The following GRIP1 variants were observed in gnomAD, a reference collection of about 807,000 sequenced individuals.
GRIP1 encodes glutamate receptor-interacting protein 1.
A neutral mutation model predicts 129.9 loss-of-function variants in GRIP1; 45 were observed. The ratio of observed to expected loss-of-function variants is 0.35; its 90% CI spans 0.27 to 0.44. The LOEUF (loss-of-function observed/expected upper bound fraction) is 0.44. GRIP1 is among the 20% of genes least tolerant of loss of function. The pLI, the probability that GRIP1 is intolerant of heterozygous loss-of-function variation, is 1.00. For synonymous variants in GRIP1, 530 were observed against 520.8 expected (o/e 1.02, Z -0.24); for missense variants, 1,196 against 1,396.8 (o/e 0.86, Z 2.29).
At chr12:66,641,803 T>G (rs1565934560) in intron 1 of GRIP1, among the ~76,000 whole-genome samples, 1 of 152,206 alleles carries the variant, frequency 6.6e-6, no homozygotes, top group Non-Finnish European at 1.5e-5. Flanking sequence ...AGGATCGCAG[T>G]GCTACCATCA....
chr12:66,786,696 C>G (rs12230940), intron 1 of GRIP1, among the ~76,000 whole-genome samples: 1 of 152,024 alleles, frequency 6.6e-6, no homozygotes, highest in African/African-American at 2.4e-5. Context: ...TCTATTGGCT[C>G]TCCAGACATA....
chr12:67,033,092 T>C (rs983089395), intron 1 of GRIP1, among the ~76,000 whole-genome samples: 4 of 151,878 alleles, frequency 2.6e-5, no homozygotes, highest in Admixed American at 2.0e-4. Context: ...ACAGCTCAGA[T>C]CCAGACAGTT....
chr12:67,050,200 T>C (rs1245754223), intron 1 of GRIP1, among the ~76,000 whole-genome samples: 1 of 152,216 alleles, frequency 6.6e-6, no homozygotes, highest in Non-Finnish European at 1.5e-5. Context: ...GGTTTTGATG[T>C]ATAGAAATAT....
chr12:66,523,180 A>G (rs372624557), intron 5 of GRIP1, among the ~76,000 whole-genome samples: 2 of 151,274 alleles, frequency 1.3e-5, no homozygotes, highest in African/African-American at 4.9e-5. Flanking sequence ...TACAGAGAAC[A>G]CCACAAAGAT....
At chr12:66,736,244 A>G (rs1011245264) in intron 1 of GRIP1, among the ~76,000 whole-genome samples, 1 of 151,624 alleles carries the variant, frequency 6.6e-6, no homozygotes, top group Non-Finnish European at 1.5e-5. Flanking sequence ...TAGCACACCA[A>G]TCATAGCTCA....
chr12:66,747,569 C>G (rs7309118), intron 1 of GRIP1, among the ~76,000 whole-genome samples: 1 of 151,996 alleles, frequency 6.6e-6, no homozygotes, highest in African/African-American at 2.4e-5. Flanking sequence ...TTCAGGCCAA[C>G]AGGGAATGGA....
intron 1 of GRIP1, among the ~76,000 whole-genome samples, chr12:67,041,722 G>C (rs2043183222): frequency 6.6e-6 from 1 of 150,990 alleles, no homozygotes; most frequent in South Asian, 2.1e-4. Flanking sequence ...TTTGGAGGGG[G>C]GCGGAGCTCT....
chr12:66,377,785 G>T (rs893731229), intron 20 of GRIP1, among the ~76,000 whole-genome samples: 2 of 151,980 alleles, frequency 1.3e-5, no homozygotes, highest in African/African-American at 4.8e-5. Flanking sequence ...GAAATGCAGT[G>T]TTGTGAAGAT....
At chr12:66,646,330 T>C (rs1330421957) in intron 1 of GRIP1, among the ~76,000 whole-genome samples, 1 of 152,126 alleles carries the variant, frequency 6.6e-6, no homozygotes, top group Non-Finnish European at 1.5e-5. Flanking sequence ...TTCAGAAATA[T>C]ATTTGGGGGA....
rs756866677 is a variant in GRIP1, at chr12:66,689,290, C to T, written c.-419-58954G>A. On this transcript the variant is annotated intron_variant, in intron 1 of 4. Transcript: ENST00000538373. ...TAACAGAGGCCGAGTTGTCAAGAAA[C>T]GAGGGGCACATGGGAAAGCCAAGGG... Among the ~76,000 whole-genome samples the T allele has an allele frequency of 2.0e-4, 30 of 152,192 alleles. No individual in the cohort carries two copies. The South Asian group carries it at 3.1e-3, about 16-fold the overall frequency.
chr12:66,932,858 A>T lies in GRIP1; in HGVS notation c.58+136192T>A, dbSNP rs12810857. Among the ~76,000 whole-genome samples the T allele has an allele frequency of 2.1e-4, 32 of 152,006 alleles. 1 individual carries two copies. In the South Asian group the frequency reaches 6.4e-3, roughly 31 times the overall value. Reference sequence around the variant, plus strand: ...TAATTTTTGTGTTTTTACTAGAGACAGGGTTTCACCATCTTGGCCAGGCTA... The same window carrying T: ...TAATTTTTGTGTTTTTACTAGAGACTGGGTTTCACCATCTTGGCCAGGCTA... On this transcript the variant is annotated intron_variant, in intron 1 of 1. Coordinates refer to the GRIP1 transcript ENST00000643019.
At chr12:66,472,159 T>C (rs2138426655) in intron 7 of GRIP1, among the ~76,000 whole-genome samples, 1 of 152,352 alleles carries the variant, frequency 6.6e-6, no homozygotes, top group Non-Finnish European at 1.5e-5. Context: ...GATAGAAGTC[T>C]GTCCACCTCA....
rs116175828 is a variant in GRIP1, at chr12:66,354,182, G to A, written c.3013-619C>T. On this transcript the variant is annotated intron_variant, in intron 23 of 24. Transcript: ENST00000359742. ...TCAGCATTTGTCTAGGGTTTGATTTGGTAACTGAAGGCATCTACCCTGAGT... is the reference window on the plus strand; with the variant it reads ...TCAGCATTTGTCTAGGGTTTGATTTAGTAACTGAAGGCATCTACCCTGAGT... Among the ~76,000 whole-genome samples, 176 of 152,198 alleles carry A rather than the reference G, an allele frequency of 1.2e-3. 1 individual carries two copies. Among genetic ancestry groups the A allele is most frequent in the African/African-American group, 4.2e-3 (174 of 41,540 alleles).
intron 5 of GRIP1, among the ~76,000 whole-genome samples, chr12:66,524,688 C>T (rs898892428): frequency 1.3e-5 from 2 of 152,224 alleles, no homozygotes; most frequent in African/African-American, 2.4e-5. Context: ...CAGAGCAGAA[C>T]TGACGGAAAT....
intron 1 of GRIP1, among the ~76,000 whole-genome samples, chr12:66,750,456 T>C (rs564217191): frequency 6.6e-6 from 1 of 152,294 alleles, no homozygotes; most frequent in Non-Finnish European, 1.5e-5. Context: ...GGGTGCCAGC[T>C]GTTTATATGA....
At chr12:66,772,924 A>T (rs1316187553) in intron 1 of GRIP1, among the ~76,000 whole-genome samples, 1 of 152,186 alleles carries the variant, frequency 6.6e-6, no homozygotes, top group East Asian at 1.9e-4. Context: ...GCAAGATATA[A>T]GAGAGGAAAC....
intron 10 of GRIP1, among the ~76,000 whole-genome samples, 162 bp downstream of exon 10, chr12:66,456,025 T>A (rs1005283480): frequency 2.0e-5 from 3 of 152,132 alleles, no homozygotes; most frequent in African/African-American, 7.2e-5. Context: ...AACAAATGCT[T>A]TCTGATGGAA....
At chr12:66,474,003 G>A (rs1208632140) in intron 7 of GRIP1, among the ~76,000 whole-genome samples, 2 of 152,086 alleles carry the variant, frequency 1.3e-5, no homozygotes, top group Non-Finnish European at 2.9e-5. Context: ...ACAGAAGTAG[G>A]CTTCAGAAGA....
intron 15 of GRIP1, among the ~76,000 whole-genome samples, chr12:66,412,425 T>C (rs758171471): frequency 6.6e-6 from 1 of 152,074 alleles, no homozygotes; most frequent in Non-Finnish European, 1.5e-5. Flanking sequence ...TTCGGACATA[T>C]AAATGCTGAG....
Sources: gnomAD v4.1 joint callset for allele counts (sites outside exome capture counted in the v4.1 genomes callset) on GRCh38, gnomAD v4.1.1 for gene constraint, MANE v1.5 for transcripts, NCBI Gene and HGNC (gene_info 2026-07-23, HGNC 2026-07-21) for gene names.